STAT1: variants seen among roughly 807,000 people sequenced by gnomAD.
STAT1 encodes the protein signal transducer and activator of transcription 1-alpha/beta.
A neutral mutation model predicts 111.7 loss-of-function variants in STAT1; 24 were observed. The ratio of observed to expected loss-of-function variants is 0.21; its 90% CI spans 0.16 to 0.30. The LOEUF (loss-of-function observed/expected upper bound fraction) is 0.30, where lower values mean the gene tolerates loss of function less well. Among genes scored for constraint, STAT1 ranks in the 10% least tolerant of loss-of-function variants. The pLI, the probability that STAT1 is intolerant of heterozygous loss-of-function variation, is 1.00. For synonymous variants in STAT1, 332 were observed against 326.5 expected (o/e 1.02, Z -0.18); for missense variants, 351 against 911.9 (o/e 0.38, Z 7.92).
chr2:191,001,757 T>C (rs1330314663), intron 5 of STAT1, among the ~76,000 whole-genome samples: 3 of 152,226 alleles, frequency 2.0e-5, no homozygotes, highest in Non-Finnish European at 4.4e-5. Flanking sequence ...GTCCTATTTT[T>C]GATAATCAGA....
Position 191,001,127 on chromosome 2 carries a change from C to G in STAT1, c.409G>C (p.Asp137His). ...TTACTGTCAAGCTCTTTCTGTTTGT[C>G]TAACATCACTGTGCTCTGAATATTC... ...SGNIQSTVML[D>H]KQKELDSKVR... The change falls in exon 6 of 25, where the codon GAC (aspartate) becomes CAC (histidine). Residue 137 changes from aspartate to histidine, a missense_variant. Coordinates refer to ENST00000361099, the MANE Select transcript of STAT1 (RefSeq NM_007315.4). 2.5e-6 allele frequency: 4 copies of G among 1,614,122 alleles called. No homozygotes were observed. The highest frequency in any genetic ancestry group is 3.4e-6 in the Non-Finnish European group (4 of 1,179,966).
At chr2:191,008,100 G>A (rs1694842350) in intron 4 of STAT1, 2 of 428,898 alleles carry the variant, frequency 4.7e-6, no homozygotes, top group Non-Finnish European at 9.3e-6. Context: ...CATTGTCAAA[G>A]CTAGTTTGCA....
chr2:190,970,650 A>G lies in STAT1; in HGVS notation c.*53T>C, dbSNP rs916064299. ...TGAAGGAACAGAGTAGCAGGAGGGA[A>G]TCACAGATGAGAAGGAAAACTGTCG... On this transcript the variant is annotated 3_prime_UTR_variant, in exon 25 of 25. Coordinates refer to ENST00000361099, the MANE Select transcript of STAT1 (RefSeq NM_007315.4). The surrounding 1 kb of genome is among the most constrained non-coding windows in gnomAD (Gnocchi z 5.4). 1.9e-6 allele frequency: 3 copies of G among 1,586,362 alleles called. No homozygotes were observed. Among genetic ancestry groups the G allele is most frequent in the Admixed American group, 3.3e-5 (2 of 59,984 alleles).
chr2:190,986,422 G>A lies in STAT1; in HGVS notation c.1221+432C>T, dbSNP rs979787402. Among the ~76,000 whole-genome samples the A allele has an allele frequency of 9.9e-5, 15 of 152,152 alleles. No homozygotes were observed. Among genetic ancestry groups the A allele is most frequent in the Admixed American group, 3.3e-4 (5 of 15,286 alleles). On this transcript the variant is annotated intron_variant, in intron 14 of 24. Transcript: ENST00000361099. This position sits in a 1 kb window ranked among gnomAD's most constrained non-coding sequence, Gnocchi z 5.0. ...GAAAAGGTGGTAGAGTCAGGCTGGCGTGGAGGCAGGGGCTGTGGGCAGGGC... is the reference window on the plus strand; with the variant it reads ...GAAAAGGTGGTAGAGTCAGGCTGGCATGGAGGCAGGGGCTGTGGGCAGGGC...
rs1275553316 is a variant in STAT1, at chr2:190,999,813, T to C, written c.463-109A>G. ...CCAGAGAAACACGAAAACAATTCCA[T>C]CTCCCCCAAAAAGAGATCTGACTTG... is the stretch of plus-strand genomic sequence containing the variant. On this transcript the variant is annotated intron_variant, in intron 6 of 24. Transcript: ENST00000361099. The surrounding 1 kb of genome is among the most constrained non-coding windows in gnomAD (Gnocchi z 4.1). The C allele has an allele frequency of 3.9e-6, 3 of 761,098 alleles. No individual in the cohort carries two copies. The highest frequency in any genetic ancestry group is 1.7e-5 in the African/African-American group (1 of 57,666). The allele number at this position is 761,098 out of a possible 1,614,324, so 47.1% of individuals were successfully genotyped here. A position where few individuals can be genotyped will look rare whatever the true frequency, so the allele number is the denominator to read the frequency against.
chr2:190,992,739 T>C (rs1693470601), intron 10 of STAT1: 1 of 979,376 alleles, frequency 1.0e-6, no homozygotes, highest in Non-Finnish European at 1.4e-6. Flanking sequence ...CATTAGCTTC[T>C]TAATCTCAGC....
At position 190,996,077 on chromosome 2, in the gene STAT1, G is replaced by A. The variant is rs556263610; in HGVS notation, c.786-858C>T. Among the ~76,000 whole-genome samples the A allele has an allele frequency of 2.0e-5, 3 of 152,248 alleles. No homozygotes were observed. The highest frequency in any genetic ancestry group is 7.2e-5 in the African/African-American group (3 of 41,538). On this transcript the variant is annotated intron_variant, in intron 9 of 24. Transcript: ENST00000361099. The surrounding 1 kb of genome is among the most constrained non-coding windows in gnomAD (Gnocchi z 4.5). ...AGAGACAGAGATGGGAGACAAGGCC[G>A]GGGACAGGAAGAGAGGAAGGAATGA... is the stretch of plus-strand genomic sequence containing the variant.
chr2:191,002,164 C>G (rs1190262142), intron 5 of STAT1, among the ~76,000 whole-genome samples: 1 of 152,154 alleles, frequency 6.6e-6, no homozygotes, highest in Non-Finnish European at 1.5e-5. Flanking sequence ...TTTTAGATCG[C>G]TGATATATTT....
At position 190,979,885 on chromosome 2, in the gene STAT1, A is replaced by G; in HGVS notation, c.1633-19T>C. ...TATTTTCCTGAAAGTATACAAATGC[A>G]GACATTATGAACAAAAATCTAAAAC... On this transcript the variant is annotated intron_variant, in intron 19 of 24. Coordinates refer to ENST00000361099, the MANE Select transcript of STAT1 (RefSeq NM_007315.4). This position sits in a 1 kb window ranked among gnomAD's most constrained non-coding sequence, Gnocchi z 5.8. 3.9e-6 allele frequency: 6 copies of G among 1,528,278 alleles called. No homozygotes were observed. The highest frequency in any genetic ancestry group is 4.5e-6 in the Non-Finnish European group (5 of 1,102,226). The allele number at this position is 1,528,278 out of a possible 1,614,324, so 94.7% of individuals were successfully genotyped here. A position where few individuals can be genotyped will look rare whatever the true frequency, so the allele number is the denominator to read the frequency against.
intron 5 of STAT1, among the ~76,000 whole-genome samples, chr2:191,005,681 G>A (rs1420226157): frequency 1.3e-5 from 2 of 152,316 alleles, no homozygotes; most frequent in East Asian, 3.9e-4. Flanking sequence ...TTCTCAGAAT[G>A]TATCTGTGTC....
At chr2:190,992,353 T>A (rs942334503) in intron 10 of STAT1, among the ~76,000 whole-genome samples, 5 of 152,080 alleles carry the variant, frequency 3.3e-5, no homozygotes, top group Non-Finnish European at 7.4e-5. Flanking sequence ...CAAAACAAAA[T>A]ATATTCTAAC....
In STAT1 at chr2:190,982,501, C is replaced by G; in HGVS notation, c.1464G>C (p.Leu488=). 1 of 1,614,120 alleles carries G rather than the reference C, an allele frequency of 6.2e-7. No homozygotes were observed. Among genetic ancestry groups the G allele is most frequent in the Non-Finnish European group, 8.5e-7 (1 of 1,180,030 alleles). The change falls in exon 18 of 25, where the codon CTG becomes CTC. Residue 488 remains leucine, a synonymous_variant. Transcript: ENST00000361099. This position sits in a 1 kb window ranked among gnomAD's most constrained non-coding sequence, Gnocchi z 7.3. ...GAGCCCATCGTGCACATGGTGGAGTCAGGAAGAAGGACAGATTCTAGAGAG... is the reference window on the plus strand; with the variant it reads ...GAGCCCATCGTGCACATGGTGGAGTGAGGAAGAAGGACAGATTCTAGAGAG... The part of the protein sequence containing the change: ...VAEPRNLSFF[L]TPPCARWAQL...
rs1559011810 is a variant in STAT1, at chr2:190,986,828, CAT to C, written c.1221+24_1221+25del. 3.7e-6 allele frequency: 6 copies of C among 1,605,620 alleles called. No individual in the cohort carries two copies. Among genetic ancestry groups the C allele is most frequent in the Non-Finnish European group, 5.1e-6 (6 of 1,172,152 alleles). On this transcript the variant is annotated intron_variant, in intron 14 of 24. Coordinates refer to ENST00000361099, the MANE Select transcript of STAT1 (RefSeq NM_007315.4). The surrounding 1 kb of genome is among the most constrained non-coding windows in gnomAD (Gnocchi z 5.0). Reference sequence around the variant, plus strand: ...AAAAGTCCTAAGAAACCAGAGACAACATAGAGAGGAAACTGATGTCCCTACCA... The same window carrying C: ...AAAAGTCCTAAGAAACCAGAGACAACAGAGAGGAAACTGATGTCCCTACCA...
chr2:191,010,448 C>T (rs1490002122), intron 2 of STAT1: 2 of 458,688 alleles, frequency 4.4e-6, no homozygotes, highest in African/African-American at 4.0e-5. Context: ...ACTGGTGTAT[C>T]CCTAGAACAA....
At position 190,972,738 on chromosome 2, in the gene STAT1, T is replaced by C. The variant is rs147999996; in HGVS notation, c.2239-2021A>G. Among the ~76,000 whole-genome samples the C allele has an allele frequency of 4.9e-4, 75 of 151,974 alleles. No homozygotes were observed. In the South Asian group the frequency reaches 9.8e-3, roughly 20 times the overall value. Reference sequence around the variant, plus strand: ...AACTCTTTTTCTTTTCTTTTCTTTTTTTTTTTTTATATTATAGCCTCTTTT... The same window carrying C: ...AACTCTTTTTCTTTTCTTTTCTTTTCTTTTTTTTATATTATAGCCTCTTTT... On this transcript the variant is annotated intron_variant, in intron 24 of 24. Coordinates refer to ENST00000361099, the MANE Select transcript of STAT1 (RefSeq NM_007315.4).
chr2:190,987,448 T>C lies in STAT1; in HGVS notation c.1098-380A>G, dbSNP rs1692946156. 6.6e-6 allele frequency among the ~76,000 whole-genome samples: 1 copy of C among 152,232 alleles called. No individual in the cohort carries two copies. Among genetic ancestry groups the C allele is most frequent in the South Asian group, 2.1e-4 (1 of 4,836 alleles). On this transcript the variant is annotated intron_variant, in intron 12 of 24. Coordinates refer to ENST00000361099, the MANE Select transcript of STAT1 (RefSeq NM_007315.4). The surrounding 1 kb of genome is among the most constrained non-coding windows in gnomAD (Gnocchi z 4.0). ...TGTTTAAGCTATCGTTATTGTTTAT[T>C]GAGCAGCTACTTGGTGCAAGGCCCT...
rs1694081569 is a variant in STAT1 at position 190,999,231 on chromosome 2, CTG to C, written c.541+393_541+394del. Among the ~76,000 whole-genome samples, 1 of 152,176 alleles carries C rather than the reference CTG, an allele frequency of 6.6e-6. No individual in the cohort carries two copies. The highest frequency in any genetic ancestry group is 2.1e-4 in the South Asian group (1 of 4,832). On this transcript the variant is annotated intron_variant, in intron 7 of 24. Transcript: ENST00000361099. The surrounding 1 kb of genome is among the most constrained non-coding windows in gnomAD (Gnocchi z 4.1). ...AGGGGAACTCCACATATCTATCGCTCTGTGTCAGTCAGTGGGCTAGGCGCAAT... is the reference window on the plus strand; with the variant it reads ...AGGGGAACTCCACATATCTATCGCTCTGTCAGTCAGTGGGCTAGGCGCAAT...
chr2:191,013,106 C>T (rs1695265351), intron 2 of STAT1, among the ~76,000 whole-genome samples: 1 of 152,134 alleles, frequency 6.6e-6, no homozygotes, highest in South Asian at 2.1e-4. Context: ...ATACTATGTG[C>T]TCGAAACAGT....
chr2:191,009,164 GACAAA>G (rs1694934643), intron 3 of STAT1, 57 bp from the exon 4 acceptor site: 2 of 1,578,952 alleles, frequency 1.3e-6, no homozygotes, highest in Non-Finnish European at 1.7e-6. Flanking sequence ...ATGTAAAACA[GACAAA>G]ACAAATGTTG....
Sources: allele counts gnomAD v4.1 joint callset (sites outside exome capture counted in the v4.1 genomes callset), GRCh38; gene constraint gnomAD v4.1.1; non-coding constraint Gnocchi (gnomAD v3.1); transcripts MANE v1.5; gene names NCBI Gene and HGNC (gene_info 2026-07-23, HGNC 2026-07-21).